The following ANXA8 variants were observed in gnomAD, a reference collection of about 807,000 sequenced individuals.
The protein encoded by ANXA8 is annexin A8.
ANXA8 carries 9 observed loss-of-function variants against 26.8 expected under a neutral mutation model. That is an observed-to-expected ratio of 0.34 (90% CI 0.20 to 0.59). The LOEUF (loss-of-function observed/expected upper bound fraction) is 0.59, where lower values mean the gene tolerates loss of function less well. Among genes scored for constraint, ANXA8 ranks in the 20% least tolerant of loss-of-function variants. The pLI is 0.84. For missense variants in ANXA8, 83 were observed against 238.5 expected (o/e 0.35, Z 4.29); for synonymous variants, 39 against 94.8 (o/e 0.41, Z 3.42).
At chr10:47,954,035 G>A in the ANXA8 span, among the ~76,000 whole-genome samples, 2 of 150,930 alleles carry the variant, frequency 1.3e-5, no homozygotes, top group African/African-American at 4.9e-5. Context: ...CAATCCTACT[G>A]GTAGGTAAAT....
At chr10:47,694,259 G>A in the ANXA8 span, among the ~76,000 whole-genome samples, 11 of 150,762 alleles carry the variant, frequency 7.3e-5, no homozygotes, top group East Asian at 1.2e-3. Context: ...CTAGTTCACC[G>A]AATTCTGAAT....
chr10:47,485,914 C>T (rs3006282), upstream of ANXA8, among the ~76,000 whole-genome samples: 33 of 151,676 alleles, frequency 2.2e-4, no homozygotes, highest in African/African-American at 4.4e-4. Context: ...CGAGACCATC[C>T]TGGCTAACAT....
chr10:47,568,137 C>T, the ANXA8 span: 5 of 205,976 alleles, frequency 2.4e-5, no homozygotes, highest in Non-Finnish European at 4.6e-5. Context: ...TGGGTTCAGG[C>T]GATTCTCCTT....
the ANXA8 span, among the ~76,000 whole-genome samples, chr10:47,533,223 A>ACATACACACACCCGCAGACAC: frequency 7.2e-6 from 1 of 139,082 alleles, no homozygotes; most frequent in Non-Finnish European, 1.5e-5. Context: ...ACACACACAC[A>ACATACACACACCCGCAGACAC]CCCCCGCAGA....
At chr10:47,658,271 A>G in the ANXA8 span, among the ~76,000 whole-genome samples, 2 of 149,940 alleles carry the variant, frequency 1.3e-5, no homozygotes, top group Non-Finnish European at 2.9e-5. Flanking sequence ...GGGTAGTCCC[A>G]ACTACTTGGG....
At chr10:47,969,400 C>A in the ANXA8 span, among the ~76,000 whole-genome samples, 3 of 150,334 alleles carry the variant, frequency 2.0e-5, no homozygotes, top group East Asian at 1.9e-4. Flanking sequence ...TAGAGCACCA[C>A]AAATCTTACA....
the ANXA8 span, among the ~76,000 whole-genome samples, chr10:47,626,656 C>T: frequency 6.7e-6 from 1 of 150,068 alleles, no homozygotes; most frequent in Non-Finnish European, 1.5e-5. Flanking sequence ...TATTATTTAC[C>T]CTTGTAAAAG....
chr10:47,566,452 G>A, the ANXA8 span, among the ~76,000 whole-genome samples: 1 of 147,730 alleles, frequency 6.8e-6, no homozygotes, highest in Non-Finnish European at 1.5e-5. Flanking sequence ...CCCACCCACC[G>A]CCCCTGCTCT....
chr10:47,659,012 CAG>C, the ANXA8 span, among the ~76,000 whole-genome samples: 1 of 150,460 alleles, frequency 6.6e-6, no homozygotes, highest in Admixed American at 6.6e-5. Flanking sequence ...GCTGGGAATA[CAG>C]GCGCCCGCCA....
At chr10:47,750,893 T>C in the ANXA8 span, 1 of 151,650 alleles carries the variant, frequency 6.6e-6, no homozygotes, top group Non-Finnish European at 1.5e-5. Context: ...ATTACAAGAA[T>C]GTTAAGTTTG....
the ANXA8 span, among the ~76,000 whole-genome samples, chr10:47,948,630 T>C: frequency 6.7e-6 from 1 of 149,164 alleles, no homozygotes; most frequent in South Asian, 2.1e-4. Context: ...TTCATGCAAG[T>C]ATATGGATCA....
chr10:47,730,829 A>G, the ANXA8 span, among the ~76,000 whole-genome samples: 3 of 148,588 alleles, frequency 2.0e-5, no homozygotes, highest in Non-Finnish European at 4.5e-5. Context: ...TCCCTACCTA[A>G]AAAACCGTCA....
the ANXA8 span, among the ~76,000 whole-genome samples, chr10:47,670,200 T>C: frequency 3.9e-5 from 6 of 151,954 alleles, no homozygotes; most frequent in African/African-American, 1.5e-4. Flanking sequence ...TTCCTTCTTT[T>C]TTATGGCTCA....
At chr10:47,982,232 G>A in the ANXA8 span, among the ~76,000 whole-genome samples, 2 of 149,298 alleles carry the variant, frequency 1.3e-5, no homozygotes, top group Admixed American at 1.3e-4. Flanking sequence ...CTATGATGCA[G>A]TGACCTATGA....
At chr10:47,948,893 C>T in the ANXA8 span, among the ~76,000 whole-genome samples, 1 of 151,384 alleles carries the variant, frequency 6.6e-6, no homozygotes, top group Non-Finnish European at 1.5e-5. Context: ...ATAGAACAGA[C>T]AGACTGACTC....
chr10:47,768,827 T>C, the ANXA8 span, among the ~76,000 whole-genome samples: 4 of 151,614 alleles, frequency 2.6e-5, no homozygotes, highest in Non-Finnish European at 4.4e-5. Context: ...AGCTGCTGTG[T>C]TGGGAAGCAG....
the ANXA8 span, among the ~76,000 whole-genome samples, chr10:47,495,457 T>C: frequency 4.5e-4 from 67 of 149,328 alleles, 1 homozygote; most frequent in Non-Finnish European, 2.1e-4. Context: ...TGCTAATTTT[T>C]GTATTTTTGG....
At chr10:47,561,242 A>C in the ANXA8 span, among the ~76,000 whole-genome samples, 1 of 151,654 alleles carries the variant, frequency 6.6e-6, no homozygotes, top group Non-Finnish European at 1.5e-5. Flanking sequence ...AGAACATCTG[A>C]AATTTACTCA....
the ANXA8 span, among the ~76,000 whole-genome samples, chr10:47,955,473 A>G: frequency 6.7e-6 from 1 of 149,764 alleles, no homozygotes; most frequent in African/African-American, 2.5e-5. Flanking sequence ...CCTGGGCTCT[A>G]TGGCATAGCC....
Sources: gnomAD v4.1 joint callset for allele counts (sites outside exome capture counted in the v4.1 genomes callset) on GRCh38, gnomAD v4.1.1 for gene constraint, MANE v1.5 for transcripts, NCBI Gene and HGNC (gene_info 2026-07-23, HGNC 2026-07-21) for gene names.